LAMC3: variants seen among roughly 807,000 people sequenced by gnomAD.
The protein encoded by LAMC3 is laminin subunit gamma-3.
LAMC3 carries 128 observed loss-of-function variants against 173.8 expected under a neutral mutation model. The observed-to-expected ratio is 0.74, with a 90% CI of 0.64 to 0.85. LAMC3 has a LOEUF of 0.85. Among genes scored for constraint, LAMC3 ranks in the 40% least tolerant of loss-of-function variants. LAMC3 has a pLI of 0.00. For missense variants in LAMC3, 2,022 were observed against 2,156.0 expected, an observed-to-expected ratio of 0.94 and a Z score of 1.23; for synonymous variants, 897 against 909.1, an observed-to-expected ratio of 0.99 and a Z score of 0.24.
At chr9:131,045,407 G>GT in intron 7 of LAMC3, 117 bp from the exon 8 acceptor site, 1 of 1,190,974 alleles carries the variant, frequency 8.4e-7, no homozygotes, top group South Asian at 1.2e-5. Context: ...AAAAAAAATT[G>GT]TTTTTAAGTT....
At chr9:131,030,081 C>T (rs769918715) in intron 2 of LAMC3, among the ~76,000 whole-genome samples, 5 of 152,056 alleles carry the variant, frequency 3.3e-5, no homozygotes, top group Non-Finnish European at 1.5e-5. Flanking sequence ...GCTGGGATTG[C>T]AGGTGTGTGC....
chr9:131,060,936 C>G (rs539039428), intron 12 of LAMC3, 99 bp from the exon 13 acceptor site: 8 of 1,253,446 alleles, frequency 6.4e-6, no homozygotes, highest in Non-Finnish European at 4.6e-6. Flanking sequence ...GTCCCCACCC[C>G]ACTTCTGCCC....
intron 1 of LAMC3, among the ~76,000 whole-genome samples, chr9:131,020,465 T>C (rs1044634893): frequency 3.3e-5 from 5 of 152,200 alleles, no homozygotes; most frequent in Non-Finnish European, 5.9e-5. Context: ...GAATCAAGAT[T>C]GCCAAGTCTA....
intron 9 of LAMC3, among the ~76,000 whole-genome samples, chr9:131,050,169 C>A (rs939679388): frequency 3.3e-5 from 5 of 152,246 alleles, no homozygotes; most frequent in African/African-American, 9.6e-5. Flanking sequence ...GGGGCTTATT[C>A]CTGAAAGAAG....
intron 18 of LAMC3, among the ~76,000 whole-genome samples, chr9:131,072,297 C>T (rs1010853619): frequency 5.9e-5 from 9 of 152,172 alleles, no homozygotes; most frequent in Admixed American, 1.3e-4. Context: ...TATCAGATAC[C>T]GTGTCTTAAA....
chr9:131,013,787 C>G (rs941333858), intron 1 of LAMC3, among the ~76,000 whole-genome samples: 2 of 152,174 alleles, frequency 1.3e-5, no homozygotes, highest in Non-Finnish European at 2.9e-5. Context: ...ACGCTGGGGT[C>G]TGGCCAGCCA....
chr9:131,026,615 G>T lies in LAMC3; in HGVS notation c.678+26G>T. 6.5e-7 allele frequency: 1 copy of T among 1,543,606 alleles called. No individual in the cohort carries two copies. The highest frequency in any genetic ancestry group is 2.3e-5 in the East Asian group (1 of 42,692). On this transcript the variant is annotated intron_variant, in intron 2 of 27. Transcript: ENST00000361069. The surrounding 1 kb of genome is among the most constrained non-coding windows in gnomAD (Gnocchi z 4.8). ...GTCAGGGAGGAGCGGGGCTTCGGAG[G>T]TTGGGACGGGGTTGGGACTGGGTCA...
intron 25 of LAMC3, 107 bp from the exon 26 acceptor site, chr9:131,087,369 T>A (rs569689061): frequency 7.3e-7 from 1 of 1,371,980 alleles, no homozygotes; most frequent in African/African-American, 1.4e-5. Flanking sequence ...ATGAATGATC[T>A]GCCTGGTACA....
intron 6 of LAMC3, among the ~76,000 whole-genome samples, chr9:131,040,287 C>A (rs1035124710): frequency 6.6e-6 from 1 of 152,048 alleles, no homozygotes; most frequent in Non-Finnish European, 1.5e-5. Flanking sequence ...AAGTGATCCT[C>A]TCATCTCAGC....
intron 1 of LAMC3, among the ~76,000 whole-genome samples, chr9:131,020,113 G>A (rs1833600516): frequency 6.6e-6 from 1 of 152,218 alleles, no homozygotes; most frequent in Non-Finnish European, 1.5e-5. Context: ...GGCAGCAGTG[G>A]CCTAGGGAGT....
intron 4 of LAMC3, 91 bp from the exon 5 acceptor site, chr9:131,038,773 C>A: frequency 7.6e-7 from 1 of 1,317,442 alleles, no homozygotes; most frequent in Non-Finnish European, 1.1e-6. Context: ...GCACTGCCTG[C>A]TCATTTAGCA....
intron 1 of LAMC3, among the ~76,000 whole-genome samples, chr9:131,017,222 C>A (rs1238236764): frequency 6.6e-6 from 1 of 152,146 alleles, no homozygotes; most frequent in Admixed American, 6.5e-5. Context: ...CATCTAGCAG[C>A]CAGACACCTC....
chr9:131,024,150 C>CTTTT (rs34368388), intron 1 of LAMC3, among the ~76,000 whole-genome samples: 2,361 of 131,468 alleles, frequency 0.018, 93 homozygotes, highest in African/African-American at 0.06. Flanking sequence ...GAAGTTTTAG[C>CTTTT]TTTTTTTTTT....
At chr9:131,076,037 C>T in intron 21 of LAMC3, 72 bp downstream of exon 21, 1 of 1,443,404 alleles carries the variant, frequency 6.9e-7, no homozygotes, top group Admixed American at 2.2e-5. Flanking sequence ...TAGCCAAAGG[C>T]TGCTGGTTCC....
Position 131,041,088 on chromosome 9 carries a change from C to T in LAMC3, c.1284-549C>T, listed in dbSNP as rs773809316. Among the ~76,000 whole-genome samples the T allele has an allele frequency of 6.5e-4, 99 of 151,946 alleles. 1 individual carries two copies. The highest frequency in any genetic ancestry group is 2.9e-4 in the Non-Finnish European group (20 of 67,990). On this transcript the variant is annotated intron_variant, in intron 6 of 27. Coordinates refer to ENST00000361069, the MANE Select transcript of LAMC3 (RefSeq NM_006059.4). The stretch of plus-strand genomic sequence containing the variant: ...GATAGACAGAAAGATTCATGGAGGC[C>T]GAGCACGGTGGCTCATGTATGTAAT...
In LAMC3 at chr9:131,066,533, A is replaced by G. The variant is rs76276687; in HGVS notation, c.2348-427A>G. On this transcript the variant is annotated intron_variant, in intron 13 of 27. Coordinates refer to ENST00000361069, the MANE Select transcript of LAMC3 (RefSeq NM_006059.4). Reference sequence around the variant, plus strand: ...AATAATAATATAAGGATGATGATGAAGAAGGTCATGGTGATTGAGGTGCTG... The same window carrying G: ...AATAATAATATAAGGATGATGATGAGGAAGGTCATGGTGATTGAGGTGCTG... Among the ~76,000 whole-genome samples the G allele has an allele frequency of 9.6e-3, 1,453 of 152,108 alleles. 17 individuals are homozygous for G. The highest frequency in any genetic ancestry group is 0.037 in the East Asian group (192 of 5,180).
Position 131,026,529 on chromosome 9 carries a change from C to T in LAMC3, c.618C>T (p.Ala206=), listed in dbSNP as rs1299502969. The T allele has an allele frequency of 1.2e-6, 2 of 1,611,614 alleles. No homozygotes were observed. The highest frequency in any genetic ancestry group is 1.7e-5 in the Admixed American group (1 of 59,798). Residue 206 remains alanine, a synonymous_variant, in exon 2 of 28, where the codon GCC becomes GCT. Transcript: ENST00000361069. This position sits in a 1 kb window ranked among gnomAD's most constrained non-coding sequence, Gnocchi z 4.8. ...CCCCGCTGAGTGGCGGCAACGTGGC[C>T]TTCTCCACCCTGGAGGGCCGGCCCA... The part of the protein sequence containing the change: ...DISPLSGGNV[A]FSTLEGRPSA...
intron 12 of LAMC3, among the ~76,000 whole-genome samples, chr9:131,058,947 C>T (rs1829748308): frequency 6.6e-6 from 1 of 151,718 alleles, no homozygotes. Flanking sequence ...CCTGTAATCC[C>T]AGCACTTTGG....
At chr9:131,039,090 C>T (rs372485193) in intron 5 of LAMC3, 38 bp downstream of exon 5, 1 of 1,612,206 alleles carries the variant, frequency 6.2e-7, no homozygotes, top group Non-Finnish European at 8.5e-7. Flanking sequence ...CGACCCTCTC[C>T]CTTTCCTGGC....
Sources: gnomAD v4.1 joint callset for allele counts (sites outside exome capture counted in the v4.1 genomes callset) on GRCh38, gnomAD v4.1.1 for gene constraint, Gnocchi (gnomAD v3.1) non-coding constraint, MANE v1.5 for transcripts, NCBI Gene and HGNC (gene_info 2026-07-23, HGNC 2026-07-21) for gene names.